The following ASPM variants were observed in gnomAD, a reference collection of about 807,000 sequenced individuals.
ASPM encodes the protein abnormal spindle-like microcephaly-associated protein.
Under a neutral mutation model 366.4 loss-of-function variants are expected in ASPM, and 256 were observed. That is an observed-to-expected ratio of 0.70 (90% confidence interval 0.63 to 0.77). The LOEUF (loss-of-function observed/expected upper bound fraction) is 0.77, where lower values mean the gene tolerates loss of function less well. Among genes scored for constraint, ASPM ranks in the 30% least tolerant of loss-of-function variants. The pLI, the probability that ASPM is intolerant of heterozygous loss-of-function variation, is 0.00. For synonymous variants in ASPM, 1,414 were observed against 1,342.9 expected (o/e 1.05, Z -1.16); for missense variants, 4,146 against 4,090.4 (o/e 1.01, Z -0.37).
intron 27 of ASPM, 71 bp downstream of exon 27, chr1:197,086,732 G>A: frequency 7.8e-7 from 1 of 1,279,958 alleles, no homozygotes; most frequent in Non-Finnish European, 1.1e-6. Flanking sequence ...TATGGTAAGT[G>A]CTCAATAAAT....
In ASPM at chr1:197,100,432, T is replaced by C. The variant is rs761920265; in HGVS notation, c.8819A>G (p.Gln2940Arg). 117 of 1,509,432 alleles carry C rather than the reference T, an allele frequency of 7.8e-5. No individual in the cohort carries two copies. The highest frequency in any genetic ancestry group is 1.0e-4 in the Non-Finnish European group (115 of 1,114,532). The allele number at this position is 1,509,432 out of a possible 1,614,324, so 93.5% of individuals were successfully genotyped here. The change falls in exon 18 of 28, where the codon CAG (glutamine) becomes CGG (arginine). Residue 2940 changes from glutamine (Q) to arginine (R), a missense_variant and splice_region_variant. Physicochemically the swap from Gln to Arg is conservative, Grantham distance 43. This residue lies in a region of ASPM where 3,624 missense variants were observed against 3,591.7 expected (regional missense o/e 1.01). Coordinates refer to ENST00000367409, the MANE Select transcript of ASPM (RefSeq NM_018136.5). Reference protein sequence around the residue: ...QEIKNSTIKIQAMWRRYRAKK... With the variant: ...QEIKNSTIKIRAMWRRYRAKK... ...TATTTAAATTAAATATAGAAATACC[T>C]GAATTTTTATGGTGCTATTTTTAAT...
rs190693455 is a variant in ASPM at position 197,102,137 on chromosome 1, T to C, written c.7114A>G (p.Arg2372Gly). 391 of 1,612,956 alleles carry C rather than the reference T, an allele frequency of 2.4e-4. 1 individual carries two copies. In the East Asian group the frequency reaches 7.6e-3, roughly 31 times the overall value. ...TGCTGCCTCTGCAGTTTTGCAGCTC[T>C]ATTTGCTTGGTATTGCTGTTGGATC... is the stretch of plus-strand genomic sequence containing the variant. Reference protein sequence around the residue: ...VVIQQQYQANRAAKLQRQHYL... With the variant: ...VVIQQQYQANGAAKLQRQHYL... Residue 2372 changes from arginine to glycine, a missense_variant, in exon 18 of 28, where the codon AGA becomes GGA. Transcript: ENST00000367409.
intron 9 of ASPM, 69 bp downstream of exon 9, chr1:197,129,118 A>T: frequency 1.3e-6 from 2 of 1,544,792 alleles, no homozygotes; most frequent in South Asian, 2.3e-5. Flanking sequence ...AAGAGAAAAC[A>T]TACCATGAAA....
rs1363484310 is a variant in ASPM, at chr1:197,102,336, G to A, written c.6915C>T (p.His2305=). The part of the protein sequence containing the change: ...KYRAHLCTKH[H]LQFLQVQNAV... ...CATTTTGTACCTGAAGGAACTGTAA[G>A]TGATGCTTTGTACAAAGATGTGCCC... is the stretch of plus-strand genomic sequence containing the variant. Residue 2305 remains histidine, a synonymous_variant, in exon 18 of 28, where the codon CAC becomes CAT. Coordinates refer to ENST00000367409, the MANE Select transcript of ASPM (RefSeq NM_018136.5). 20 of 1,612,474 alleles carry A rather than the reference G, an allele frequency of 1.2e-5. No individual in the cohort carries two copies. The Admixed American group carries it at 3.3e-4, about 27-fold the overall frequency.
chr1:197,090,854 A>T lies in ASPM; in HGVS notation c.9632T>A (p.Ile3211Asn), dbSNP rs1656758372. 1 of 1,612,346 alleles carries T rather than the reference A, an allele frequency of 6.2e-7. No individual in the cohort carries two copies. The highest frequency in any genetic ancestry group is 1.1e-5 in the South Asian group (1 of 91,042). Residue 3211 changes from isoleucine to asparagine, a missense_variant, in exon 23 of 28, where the codon ATT becomes AAT. Around this residue, in one of 3 missense-constraint regions of ASPM, gnomAD observed 3,624 missense variants for 3,591.7 expected, o/e 1.01. Transcript: ENST00000367409. ...AACTATACAAGTTTCAATTACCTGA[A>T]TTTTAATGATTCCACTAGTGAATTT... ...QEKFTSGIIK[I>N]QALWRGYSWR...
At chr1:197,130,096 T>G in intron 7 of ASPM, 40 bp from the exon 8 acceptor site, 1 of 1,598,628 alleles carries the variant, frequency 6.3e-7, no homozygotes, top group Non-Finnish European at 8.6e-7. Context: ...TTATGCTATC[T>G]CTAAGAAACA....
chr1:197,129,036 G>A, intron 9 of ASPM, 151 bp downstream of exon 9: 3 of 759,954 alleles, frequency 3.9e-6, no homozygotes, highest in South Asian at 4.1e-5. Flanking sequence ...AATTACTGAT[G>A]GGACTCACCA....
chr1:197,108,615 A>G (rs1047837395), intron 17 of ASPM, among the ~76,000 whole-genome samples: 10 of 152,110 alleles, frequency 6.6e-5, no homozygotes, highest in African/African-American at 2.2e-4. Flanking sequence ...AAATGGACCA[A>G]TTCTTCGAAA....
chr1:197,121,688 G>A (rs1253235066), intron 16 of ASPM, among the ~76,000 whole-genome samples: 3 of 152,140 alleles, frequency 2.0e-5, no homozygotes, highest in Admixed American at 2.0e-4. Flanking sequence ...CCCTGGAACA[G>A]ACTAGGTGAA....
intron 17 of ASPM, among the ~76,000 whole-genome samples, chr1:197,105,923 T>C (rs1053751902): frequency 6.6e-6 from 1 of 152,028 alleles, no homozygotes; most frequent in African/African-American, 2.4e-5. Flanking sequence ...GGTCCCAGGC[T>C]AATGGTAGTC....
Position 197,086,860 on chromosome 1 carries a change from G to T in ASPM, c.10274C>A (p.Ser3425Tyr). Residue 3425 changes from serine (S) to tyrosine (Y), a missense_variant, in exon 27 of 28, where the codon TCT becomes TAT. By Grantham distance (144) the Ser-to-Tyr change is moderately radical. Transcript: ENST00000367409. ...TGGGATAAAAGGAATGCTTATAGAA[G>T]AATTCTTCTTTTGCTTGTAAAGTAT... ...ERILYKQKKN[S>Y]SISIPFIPET... 1.2e-6 allele frequency: 2 copies of T among 1,611,992 alleles called. No individual in the cohort carries two copies. Among genetic ancestry groups the T allele is most frequent in the East Asian group, 4.5e-5 (2 of 44,722 alleles).
At chr1:197,108,724 A>G (rs1239716637) in intron 17 of ASPM, among the ~76,000 whole-genome samples, 1 of 151,996 alleles carries the variant, frequency 6.6e-6, no homozygotes, top group Non-Finnish European at 1.5e-5. Flanking sequence ...TATTCCTAGC[A>G]CTTTAGGAGG....
Position 197,090,919 on chromosome 1 carries a change from C to T in ASPM, c.9567G>A (p.Gln3189=), listed in dbSNP as rs1329510118. The change falls in exon 23 of 28, where the codon CAG becomes CAA. Residue 3189 remains glutamine (Q), a synonymous_variant. Transcript: ENST00000367409. ...GGAGGAGAAAATGGCGCACTGCTTT[C>T]TGTATTACTGATGCAGCCCTATTTC... ...SQRNRAASVI[Q]KAVRHFLLRK... The T allele has an allele frequency of 3.1e-6, 5 of 1,613,334 alleles. No individual in the cohort carries two copies. The Admixed American group carries it at 8.3e-5, about 27-fold the overall frequency.
chr1:197,125,636 G>T (rs1658069650), intron 10 of ASPM, among the ~76,000 whole-genome samples: 1 of 152,030 alleles, frequency 6.6e-6, no homozygotes, highest in Non-Finnish European at 1.5e-5. Context: ...AGAAACTAAG[G>T]CCCATAGAGC....
At position 197,142,983 on chromosome 1, in the gene ASPM, T is replaced by A; in HGVS notation, c.1269A>T (p.Pro423=). ...VPLSNENSQV[P]QSPEDWRKSE... is the part of the protein sequence containing the mutation. Reference sequence around the variant, plus strand: ...TTTTTCTCCAATCTTCAGGAGACTGTGGGACTTGAGAATTTTCATTTGATA... The same window carrying A: ...TTTTTCTCCAATCTTCAGGAGACTGAGGGACTTGAGAATTTTCATTTGATA... The change falls in exon 3 of 28, where the codon CCA becomes CCT. Residue 423 remains proline, a synonymous_variant. Coordinates refer to ENST00000367409, the MANE Select transcript of ASPM (RefSeq NM_018136.5). 1 of 1,613,928 alleles carries A rather than the reference T, an allele frequency of 6.2e-7. No homozygotes were observed. The highest frequency in any genetic ancestry group is 8.5e-7 in the Non-Finnish European group (1 of 1,179,850).
At chr1:197,144,186 G>A in intron 1 of ASPM, 86 bp from the exon 2 acceptor site, 1 of 958,322 alleles carries the variant, frequency 1.0e-6, no homozygotes, top group Non-Finnish European at 1.6e-6. Context: ...AATATAGTAG[G>A]GCTTAATAAT....
rs748609327 is a variant in ASPM at position 197,122,304 on chromosome 1, A to G, written c.3599-3T>C. ...TTTGTATAGCTCTGAAGTATTTTCT[A>G]TTATGCAGGAGGAAAGGAGAAATTA... On this transcript the variant is annotated splice_polypyrimidine_tract_variant and splice_region_variant and intron_variant, in intron 14 of 27. Coordinates refer to ENST00000367409, the MANE Select transcript of ASPM (RefSeq NM_018136.5). 2 of 1,613,568 alleles carry G rather than the reference A, an allele frequency of 1.2e-6. No individual in the cohort carries two copies. The highest frequency in any genetic ancestry group is 1.7e-6 in the Non-Finnish European group (2 of 1,179,750).
At chr1:197,136,634 T>C (rs1658427459) in intron 4 of ASPM, among the ~76,000 whole-genome samples, 1 of 151,910 alleles carries the variant, frequency 6.6e-6, no homozygotes, top group Non-Finnish European at 1.5e-5. Flanking sequence ...ATACATAGAA[T>C]ATACACAAAA....
chr1:197,100,681 AC>A lies in ASPM; in HGVS notation c.8569del (p.Val2857PhefsTer81), dbSNP rs1293032673. 1 of 1,612,404 alleles carries A rather than the reference AC, an allele frequency of 6.2e-7. No homozygotes were observed. Among genetic ancestry groups the A allele is most frequent in the Non-Finnish European group, 8.5e-7 (1 of 1,179,016 alleles). On this transcript the variant is annotated frameshift_variant, in exon 18 of 28. Coordinates refer to ENST00000367409, the MANE Select transcript of ASPM (RefSeq NM_018136.5). LOFTEE classifies it high-confidence loss of function. The stretch of plus-strand genomic sequence containing the variant: ...AGTGATAGCAGCTCTTTTCTGCTGA[AC>A]AAATCTTCTCCGATACACAGCCATC... ...LQMAVYRRRF[V>X]QQKRAAITLQ...
Sources: gnomAD v4.1 joint callset for allele counts (sites outside exome capture counted in the v4.1 genomes callset) on GRCh38, gnomAD v4.1.1 for gene constraint, gnomAD v4.1.1 regional missense constraint, MANE v1.5 for transcripts, NCBI Gene and HGNC (gene_info 2026-07-23, HGNC 2026-07-21) for gene names.